The following TLN2 variants were observed in gnomAD, a reference collection of about 807,000 sequenced individuals.
The protein encoded by TLN2 is talin-2.
Under a neutral mutation model 294.7 loss-of-function variants are expected in TLN2, and 118 were observed. The ratio of observed to expected loss-of-function variants is 0.40; its 90% CI spans 0.34 to 0.47. The LOEUF (loss-of-function observed/expected upper bound fraction) is 0.47, where lower values mean the gene tolerates loss of function less well. Ranked by LOEUF, TLN2 falls within the 20% of genes least tolerant of loss-of-function variation. The pLI is 0.84. For missense variants in TLN2, 3,083 were observed against 3,282.2 expected (o/e 0.94, Z 1.48); for synonymous variants, 1,431 against 1,304.5 (o/e 1.10, Z -2.09).
chr15:62,473,445 C>G (rs938941120), intron 1 of TLN2, among the ~76,000 whole-genome samples: 6 of 151,954 alleles, frequency 3.9e-5, no homozygotes, highest in Non-Finnish European at 5.9e-5. Context: ...GCGGAGCCAA[C>G]AACCAGGTTA....
intron 1 of TLN2, among the ~76,000 whole-genome samples, chr15:62,477,742 G>T (rs573604513): frequency 4.7e-4 from 71 of 152,168 alleles, no homozygotes; most frequent in African/African-American, 1.6e-3. Context: ...TGAGAATGGA[G>T]ACCATACTGG....
intron 19 of TLN2, among the ~76,000 whole-genome samples, 200 bp from the exon 20 acceptor site, chr15:62,706,886 T>C (rs888869345): frequency 3.9e-5 from 6 of 152,216 alleles, no homozygotes; most frequent in African/African-American, 1.4e-4. Flanking sequence ...ACTTAATGGA[T>C]GTAAGAGACT....
intron 18 of TLN2, 150 bp from the exon 19 acceptor site, chr15:62,702,616 G>C: frequency 1.4e-6 from 1 of 713,964 alleles, no homozygotes; most frequent in East Asian, 2.7e-5. Context: ...GATTTCACCG[G>C]GATGTCTTCT....
intron 50 of TLN2, among the ~76,000 whole-genome samples, chr15:62,802,565 G>T (rs953457917): frequency 6.6e-6 from 1 of 152,136 alleles, no homozygotes; most frequent in African/African-American, 2.4e-5. Flanking sequence ...TTAATAAACT[G>T]ATATCCTTTC....
chr15:62,767,531 G>T (rs1398926565), intron 41 of TLN2, among the ~76,000 whole-genome samples: 7 of 152,008 alleles, frequency 4.6e-5, no homozygotes, highest in Non-Finnish European at 8.8e-5. Context: ...TAGAGACGGG[G>T]TTTCTCCGTG....
intron 1 of TLN2, among the ~76,000 whole-genome samples, chr15:62,534,748 C>G (rs1402596648): frequency 6.6e-6 from 1 of 152,168 alleles, no homozygotes; most frequent in Non-Finnish European, 1.5e-5. Context: ...CTAGGGGCCC[C>G]TAGTCATCAG....
At chr15:62,706,994 A>G in intron 19 of TLN2, 92 bp from the exon 20 acceptor site, 1 of 1,409,538 alleles carries the variant, frequency 7.1e-7, no homozygotes, top group Non-Finnish European at 9.4e-7. Context: ...TGAAGGAAAA[A>G]GATCAAATGG....
chr15:62,617,121 C>G (rs778835463), intron 2 of TLN2, among the ~76,000 whole-genome samples: 2 of 152,050 alleles, frequency 1.3e-5, no homozygotes. Context: ...TTGGACTGTC[C>G]GTTAAAAATC....
At position 62,844,223 on chromosome 15, in the gene TLN2, A is replaced by G. The variant is rs1233403021; in HGVS notation, c.*3613A>G. ...AAAGGTATCCCCAAGTACCATGTTG[A>G]AAATGTCCTCAGTCTGTTGCTCCAT... On this transcript the variant is annotated 3_prime_UTR_variant, in exon 59 of 59. Transcript: ENST00000636159. The G allele has an allele frequency of 6.6e-6, 1 of 152,176 alleles. No homozygotes were observed. The highest frequency in any genetic ancestry group is 1.5e-5 in the Non-Finnish European group (1 of 68,184). 9.4% of individuals were successfully genotyped at this position (152,176 alleles called of 1,614,324 possible).
rs147272865 is a variant in TLN2, at chr15:62,400,904, T to C, written c.-238+10219T>C. Among the ~76,000 whole-genome samples the C allele has an allele frequency of 2.7e-5, 4 of 149,710 alleles. No individual in the cohort carries two copies. The East Asian group carries it at 8.0e-4, about 30-fold the overall frequency. ...AATCTGGGCTCACTGCAGCCTCTGC[T>C]TCCTGGGTTCAAGCCGTTGTCCTGC... is the stretch of plus-strand genomic sequence containing the variant. On this transcript the variant is annotated intron_variant, in intron 1 of 58. Coordinates refer to ENST00000636159, the MANE Select transcript of TLN2 (RefSeq NM_015059.3).
chr15:62,515,923 C>T (rs1024805007), intron 1 of TLN2, among the ~76,000 whole-genome samples: 1 of 152,184 alleles, frequency 6.6e-6, no homozygotes, highest in African/African-American at 2.4e-5. Context: ...TCCCGCTGTG[C>T]AGTAGCTCGC....
intron 1 of TLN2, among the ~76,000 whole-genome samples, chr15:62,574,933 C>G (rs1345328793): frequency 6.6e-6 from 1 of 152,024 alleles, no homozygotes; most frequent in Non-Finnish European, 1.5e-5. Context: ...CTACCTCCTA[C>G]AAATGTAGAG....
At chr15:62,702,604 C>T (rs1258635317) in intron 18 of TLN2, among the ~76,000 whole-genome samples, 162 bp from the exon 19 acceptor site, 3 of 152,232 alleles carry the variant, frequency 2.0e-5, no homozygotes, top group African/African-American at 4.8e-5. Flanking sequence ...TTTCCTTTCA[C>T]GGATTTCACC....
intron 21 of TLN2, among the ~76,000 whole-genome samples, chr15:62,710,240 T>C (rs1011649849): frequency 6.6e-6 from 1 of 152,240 alleles, no homozygotes; most frequent in Non-Finnish European, 1.5e-5. Context: ...AAATTCTTAT[T>C]AATGGAGTTG....
At chr15:62,531,261 A>G (rs2041028254) in intron 1 of TLN2, among the ~76,000 whole-genome samples, 1 of 152,244 alleles carries the variant, frequency 6.6e-6, no homozygotes, top group South Asian at 2.1e-4. Context: ...GAAATTTGTC[A>G]TTTGCAGCAA....
intron 9 of TLN2, among the ~76,000 whole-genome samples, chr15:62,661,607 T>C (rs1413946552): frequency 6.6e-6 from 1 of 152,204 alleles, no homozygotes; most frequent in African/African-American, 2.4e-5. Context: ...TTAGGCATCA[T>C]ACTGAATGTA....
Position 62,820,377 on chromosome 15 carries a change from T to C in TLN2, c.6878-109T>C, listed in dbSNP as rs570994899. On this transcript the variant is annotated intron_variant, in intron 53 of 58. Coordinates refer to ENST00000636159, the MANE Select transcript of TLN2 (RefSeq NM_015059.3). ...GGAAGGTTCCTTAGGACAATGCAGG[T>C]CAGGCTCCTGGAGCCTTCATGCATG... is the stretch of plus-strand genomic sequence containing the variant. 15 of 1,182,236 alleles carry C rather than the reference T, an allele frequency of 1.3e-5. No homozygotes were observed. In the South Asian group the frequency reaches 2.0e-4, roughly 16 times the overall value. 73.2% of individuals were successfully genotyped at this position (1,182,236 alleles called of 1,614,324 possible).
Position 62,395,175 on chromosome 15 carries a change from CCG to C in TLN2, c.-238+4491_-238+4492del, listed in dbSNP as rs766396113. On this transcript the variant is annotated intron_variant, in intron 1 of 58. Transcript: ENST00000636159. The stretch of plus-strand genomic sequence containing the variant: ...CCTCACAATGCCCACACATTGTGTT[CCG>C]AGGAGGTGATACTCTTTTGTACTTT... Among the ~76,000 whole-genome samples, 32 of 139,296 alleles carry C rather than the reference CCG, an allele frequency of 2.3e-4. 1 individual carries two copies. The highest frequency in any genetic ancestry group is 1.9e-3 in the Admixed American group (24 of 12,640). 91.4% of individuals were successfully genotyped at this position (139,296 alleles called of 152,430 possible).
At chr15:62,572,849 A>T (rs564469832) in intron 1 of TLN2, among the ~76,000 whole-genome samples, 26 of 150,990 alleles carry the variant, frequency 1.7e-4, no homozygotes, top group African/African-American at 6.3e-4. Context: ...GGAATCCCGC[A>T]CTCTGTGCTT....
Sources: gnomAD v4.1 joint callset for allele counts (sites outside exome capture counted in the v4.1 genomes callset) on GRCh38, gnomAD v4.1.1 for gene constraint, MANE v1.5 for transcripts, NCBI Gene and HGNC (gene_info 2026-07-23, HGNC 2026-07-21) for gene names.